The following ZMIZ1 variants were observed in gnomAD, a reference collection of about 807,000 sequenced individuals.
ZMIZ1 encodes zinc finger MIZ domain-containing protein 1.
Under a neutral mutation model 113.9 loss-of-function variants are expected in ZMIZ1, and 17 were observed. That is an observed-to-expected ratio of 0.15 (90% CI 0.10 to 0.22). The LOEUF (loss-of-function observed/expected upper bound fraction) is 0.22. Among genes scored for constraint, ZMIZ1 ranks in the 10% least tolerant of loss-of-function variants. The probability of loss-of-function intolerance (pLI) is 1.00; values close to 1 mark genes in which losing one functional copy is unlikely to be tolerated. For synonymous variants in ZMIZ1, 607 were observed against 603.1 expected (o/e 1.01, Z -0.09); for missense variants, 1,059 against 1,477.8 (o/e 0.72, Z 4.65).
intron 7 of ZMIZ1, among the ~76,000 whole-genome samples, chr10:79,252,328 A>G (rs965642008): frequency 6.6e-6 from 1 of 152,124 alleles, no homozygotes. Flanking sequence ...AGTGACCTGG[A>G]TAAGATCTTT....
At chr10:79,176,846 G>C (rs1846890308) in intron 4 of ZMIZ1, among the ~76,000 whole-genome samples, 1 of 152,228 alleles carries the variant, frequency 6.6e-6, no homozygotes, top group African/African-American at 2.4e-5. Context: ...TTCTCTGTGG[G>C]CCTCAGTTTC....
chr10:79,134,134 A>G (rs1389956113), intron 2 of ZMIZ1, among the ~76,000 whole-genome samples: 1 of 152,130 alleles, frequency 6.6e-6, no homozygotes, highest in Non-Finnish European at 1.5e-5. Flanking sequence ...AGGGAGGCCC[A>G]CCTGGGGGGT....
intron 4 of ZMIZ1, 27 bp from the exon 5 acceptor site, chr10:79,201,557 G>T (rs980306755): frequency 7.0e-6 from 11 of 1,564,204 alleles, no homozygotes; most frequent in Non-Finnish European, 9.6e-6. Context: ...GCGTGATCCA[G>T]TGACAACCTC....
intron 2 of ZMIZ1, among the ~76,000 whole-genome samples, chr10:79,128,266 C>T (rs543894085): frequency 4.6e-5 from 7 of 152,304 alleles, no homozygotes; most frequent in African/African-American, 1.7e-4. Flanking sequence ...GCTCTGCCCT[C>T]CTTGGAGTTT....
Position 79,296,538 on chromosome 10 carries a change from C to T in ZMIZ1, c.1298C>T (p.Ala433Val). ...CCCACCCAGCCAGGCCAGTACCCAG[C>T]CCCCAACCCCCCGAGGCCACTCACC... is the stretch of plus-strand genomic sequence containing the variant. Reference protein sequence around the residue: ...QFPTQPGQYPAPNPPRPLTSP... With the variant: ...QFPTQPGQYPVPNPPRPLTSP... The change falls in exon 13 of 25, where the codon GCC (alanine) becomes GTC (valine). Residue 433 changes from alanine (A) to valine (V), a missense_variant. Ala to Val is a moderately conservative substitution (Grantham distance 64, BLOSUM62 0). Around this residue, in one of 6 missense-constraint regions of ZMIZ1, gnomAD observed 239 missense variants for 247.5 expected, o/e 0.97. Transcript: ENST00000334512. The surrounding 1 kb of genome is among the most constrained non-coding windows in gnomAD (Gnocchi z 4.1). 6.2e-7 allele frequency: 1 copy of T among 1,613,100 alleles called. No individual in the cohort carries two copies. Among genetic ancestry groups the T allele is most frequent in the Admixed American group, 1.7e-5 (1 of 59,924 alleles).
At chr10:79,173,952 TC>T in intron 4 of ZMIZ1, among the ~76,000 whole-genome samples, 1 of 152,080 alleles carries the variant, frequency 6.6e-6, no homozygotes, top group East Asian at 1.9e-4. Context: ...ACCAGAAAGA[TC>T]AGGGAAGCTT....
chr10:79,237,324 G>A (rs1849632149), intron 7 of ZMIZ1, among the ~76,000 whole-genome samples: 1 of 152,226 alleles, frequency 6.6e-6, no homozygotes, highest in Non-Finnish European at 1.5e-5. Context: ...ATGAGGAAGG[G>A]TCTTAAGCAG....
intron 1 of ZMIZ1, among the ~76,000 whole-genome samples, chr10:79,072,161 A>C (rs1263892991): frequency 6.6e-6 from 1 of 152,100 alleles, no homozygotes; most frequent in East Asian, 1.9e-4. Context: ...TTTCCCTCCT[A>C]AGCAAAGGGG....
chr10:79,231,308 C>T (rs1209250737), intron 7 of ZMIZ1, among the ~76,000 whole-genome samples: 4 of 152,222 alleles, frequency 2.6e-5, no homozygotes, highest in African/African-American at 7.2e-5. Flanking sequence ...AGTGCAATGG[C>T]GCGATCTCAG....
intron 7 of ZMIZ1, among the ~76,000 whole-genome samples, chr10:79,247,628 C>G (rs529675966): frequency 1.3e-5 from 2 of 152,208 alleles, no homozygotes; most frequent in Admixed American, 6.5e-5. Context: ...TCCCACCCCC[C>G]GTAGGGTGAG....
rs79521288 is a variant in ZMIZ1, at chr10:79,140,338, C to G, written c.-131+561C>G. ...AATTATTATCTGCATTTTCAGACCA[C>G]GAGAACAAGGCACAGGGAAGTTAAT... is the stretch of plus-strand genomic sequence containing the variant. On this transcript the variant is annotated intron_variant, in intron 3 of 24. Coordinates refer to ENST00000334512, the MANE Select transcript of ZMIZ1 (RefSeq NM_020338.4). Among the ~76,000 whole-genome samples the G allele has an allele frequency of 8.7e-4, 133 of 152,308 alleles. 1 individual carries two copies. The highest frequency in any genetic ancestry group is 3.1e-3 in the African/African-American group (130 of 41,564).
chr10:79,233,625 G>A (rs79619853), intron 7 of ZMIZ1, among the ~76,000 whole-genome samples: 50 of 152,322 alleles, frequency 3.3e-4, no homozygotes, highest in African/African-American at 8.9e-4. Flanking sequence ...ACCCCAAACC[G>A]TAGCATCCAC....
intron 4 of ZMIZ1, among the ~76,000 whole-genome samples, chr10:79,181,031 G>A (rs541442828): frequency 6.6e-6 from 1 of 152,232 alleles, no homozygotes; most frequent in African/African-American, 2.4e-5. Flanking sequence ...CCAAGGCCAC[G>A]AGGGAGTCAG....
At chr10:79,079,897 G>T (rs1238040593) in intron 1 of ZMIZ1, among the ~76,000 whole-genome samples, 6 of 152,214 alleles carry the variant, frequency 3.9e-5, no homozygotes, top group Non-Finnish European at 8.8e-5. Flanking sequence ...GCTGCATTTT[G>T]TGGGTCCCGC....
chr10:79,104,491 G>A lies in ZMIZ1; in HGVS notation c.-336-14424G>A, dbSNP rs141699783. On this transcript the variant is annotated intron_variant, in intron 1 of 24. Coordinates refer to ENST00000334512, the MANE Select transcript of ZMIZ1 (RefSeq NM_020338.4). ...CTCAGTTTTGTCATCTGCAAAATGGGTACAATAGACGTCACTGAGCTTGCA... is the reference window on the plus strand; with the variant it reads ...CTCAGTTTTGTCATCTGCAAAATGGATACAATAGACGTCACTGAGCTTGCA... Among the ~76,000 whole-genome samples the A allele has an allele frequency of 2.8e-3, 421 of 152,300 alleles. 1 individual carries two copies. Among genetic ancestry groups the A allele is most frequent in the African/African-American group, 9.8e-3 (409 of 41,558 alleles).
intron 7 of ZMIZ1, among the ~76,000 whole-genome samples, chr10:79,230,767 A>T (rs527318811): frequency 1.9e-4 from 29 of 152,300 alleles, no homozygotes; most frequent in Non-Finnish European, 3.2e-4. Context: ...AAGCGCGAGG[A>T]TGTGCAGGTG....
In ZMIZ1 at chr10:79,124,680, T is replaced by C. The variant is rs537786198; in HGVS notation, c.-227+5656T>C. On this transcript the variant is annotated intron_variant, in intron 2 of 24. Coordinates refer to ENST00000334512, the MANE Select transcript of ZMIZ1 (RefSeq NM_020338.4). ...GGTAGGTGCAGCTCTTTCCTCATGC[T>C]GTAGGAGGCAGCCAGAGAAGACTTC... 5.8e-4 allele frequency among the ~76,000 whole-genome samples: 88 copies of C among 152,320 alleles called. No individual in the cohort carries two copies. In the South Asian group the frequency reaches 0.012, roughly 20 times the overall value.
intron 7 of ZMIZ1, among the ~76,000 whole-genome samples, chr10:79,255,212 C>T (rs1288675084): frequency 6.6e-6 from 1 of 152,220 alleles, no homozygotes; most frequent in African/African-American, 2.4e-5. Context: ...ACCTGAGTCC[C>T]CAGGTGCCAT....
chr10:79,212,251 G>A (rs1164991220), intron 6 of ZMIZ1, among the ~76,000 whole-genome samples: 1 of 151,910 alleles, frequency 6.6e-6, no homozygotes, highest in Non-Finnish European at 1.5e-5. Flanking sequence ...TTGACCTCCT[G>A]GGCTTAAGCG....
Sources: gnomAD v4.1 joint callset for allele counts (sites outside exome capture counted in the v4.1 genomes callset) on GRCh38, gnomAD v4.1.1 for gene constraint, gnomAD v4.1.1 regional missense constraint, Gnocchi (gnomAD v3.1) non-coding constraint, MANE v1.5 for transcripts, NCBI Gene and HGNC (gene_info 2026-07-23, HGNC 2026-07-21) for gene names.